SUPT5H: variants seen among roughly 807,000 people sequenced by gnomAD.
The protein encoded by SUPT5H is SPT5 homolog, DSIF elongation factor subunit.
Under a neutral mutation model 142.5 loss-of-function variants are expected in SUPT5H, and 24 were observed. The ratio of observed to expected loss-of-function variants is 0.17; its 90% CI spans 0.12 to 0.24. SUPT5H has a LOEUF of 0.24. SUPT5H is among the 10% of genes least tolerant of loss of function. The pLI, the probability that SUPT5H is intolerant of heterozygous loss-of-function variation, is 1.00. For synonymous variants in SUPT5H, 546 were observed against 553.0 expected (o/e 0.99, Z 0.18); for missense variants, 893 against 1,471.8 (o/e 0.61, Z 6.43).
rs753142616 is a variant in SUPT5H, at chr19:39,476,406, C to A, written c.*7C>A. 1 of 1,613,982 alleles carries A rather than the reference C, an allele frequency of 6.2e-7. No homozygotes were observed. The highest frequency in any genetic ancestry group is 2.2e-5 in the East Asian group (1 of 44,888). On this transcript the variant is annotated 3_prime_UTR_variant, in exon 30 of 30. Transcript: ENST00000432763. ...GAAGCTCCTGGAAGCCTGAAGCAGG[C>A]AGGGCCGGTGGACTTCGTCGGATGA... is the stretch of plus-strand genomic sequence containing the variant.
At chr19:39,462,817 C>A (rs2079180323) in intron 10 of SUPT5H, among the ~76,000 whole-genome samples, 1 of 150,546 alleles carries the variant, frequency 6.6e-6, no homozygotes, top group Non-Finnish European at 1.5e-5. Flanking sequence ...AGGCGTGAGC[C>A]ACTGTGCCCA....
rs753479788 is a variant in SUPT5H, at chr19:39,469,232, C to T, written c.1238-30C>T. On this transcript the variant is annotated intron_variant, in intron 15 of 29. Transcript: ENST00000432763. This position sits in a 1 kb window ranked among gnomAD's most constrained non-coding sequence, Gnocchi z 5.1. ...GCAGGGGCGGCCCATGGTGGCAACC[C>T]CCGAGTCAGCCCTACGACTGCCCCT... 6.2e-6 allele frequency: 10 copies of T among 1,614,118 alleles called. No individual in the cohort carries two copies. In the African/African-American group the frequency reaches 1.3e-4, roughly 22 times the overall value.
chr19:39,452,241 T>C (rs1461262838), intron 2 of SUPT5H, among the ~76,000 whole-genome samples: 2 of 152,106 alleles, frequency 1.3e-5, no homozygotes, highest in African/African-American at 4.8e-5. Context: ...GCATCCAGGA[T>C]GCTGCTGGTG....
Position 39,459,124 on chromosome 19 carries a change from C to T in SUPT5H, c.458+51C>T, listed in dbSNP as rs1529733. On this transcript the variant is annotated intron_variant, in intron 7 of 29. Coordinates refer to ENST00000432763, the MANE Select transcript of SUPT5H (RefSeq NM_001111020.3). The stretch of plus-strand genomic sequence containing the variant: ...GGGCAGGGAGCAGGTGGTCCCTAAG[C>T]GGGAAGGGGCGGGGATCTGACAGAG... 0.38 allele frequency: 607,122 copies of T among 1,610,170 alleles called. 118,583 individuals carry two copies. Among genetic ancestry groups the T allele is most frequent in the African/African-American group, 0.59 (44,226 of 74,656 alleles).
intron 3 of SUPT5H, among the ~76,000 whole-genome samples, chr19:39,456,055 T>A (rs555754062): frequency 2.0e-5 from 3 of 147,524 alleles, no homozygotes; most frequent in Non-Finnish European, 4.5e-5. Context: ...GCTTCCCGAG[T>A]AGCTGGGATT....
chr19:39,465,194 C>T, intron 11 of SUPT5H, 145 bp downstream of exon 11: 1 of 1,256,502 alleles, frequency 8.0e-7, no homozygotes, highest in Non-Finnish European at 1.1e-6. Context: ...TTTGTGAGCA[C>T]ACAGGAAACG....
Position 39,473,420 on chromosome 19 carries a change from C to T in SUPT5H, c.2391C>T (p.Ser797=), listed in dbSNP as rs1348092309. ...CACTCATTTCCCCCATTCCAGGTAG[C>T]CGCACCCCACACTACGGCTCACAGA... ...YGSQTPLQDG[S]RTPHYGSQTP... Residue 797 remains serine, a synonymous_variant, in exon 25 of 30, where the codon AGC becomes AGT. Transcript: ENST00000432763. The surrounding 1 kb of genome is among the most constrained non-coding windows in gnomAD (Gnocchi z 5.8). 6.2e-7 allele frequency: 1 copy of T among 1,613,280 alleles called. No individual in the cohort carries two copies. The highest frequency in any genetic ancestry group is 8.5e-7 in the Non-Finnish European group (1 of 1,179,800).
intron 28 of SUPT5H, among the ~76,000 whole-genome samples, chr19:39,475,413 G>T (rs944685885): frequency 2.7e-5 from 4 of 149,104 alleles, no homozygotes; most frequent in Admixed American, 2.0e-4. Flanking sequence ...AAAATGGTGA[G>T]TGATGAGGCC....
intron 10 of SUPT5H, chr19:39,460,168 G>T (rs1487519731): frequency 3.5e-6 from 2 of 578,616 alleles, no homozygotes; most frequent in Non-Finnish European, 6.2e-6. Context: ...TGCATTTATG[G>T]CAGGGTCTTC....
Position 39,459,065 on chromosome 19 carries a change from G to A in SUPT5H, c.450G>A (p.Val150=). Residue 150 remains valine, a synonymous_variant, in exon 7 of 30, where the codon GTG becomes GTA. Coordinates refer to ENST00000432763, the MANE Select transcript of SUPT5H (RefSeq NM_001111020.3). The part of the protein sequence containing the change: ...YYMKKYAKSS[V]GETVYGGSDE... The stretch of plus-strand genomic sequence containing the variant: ...TGAAGAAATACGCCAAGTCATCTGT[G>A]GGAGAGACGTAAGGGCATGGTGGGG... The A allele has an allele frequency of 6.2e-7, 1 of 1,614,086 alleles. No individual in the cohort carries two copies. Among genetic ancestry groups the A allele is most frequent in the Non-Finnish European group, 8.5e-7 (1 of 1,180,024 alleles).
Position 39,476,498 on chromosome 19 carries a change from A to G in SUPT5H, c.*99A>G. The G allele has an allele frequency of 1.4e-6, 2 of 1,435,388 alleles. No individual in the cohort carries two copies. Among genetic ancestry groups the G allele is most frequent in the Non-Finnish European group, 1.9e-6 (2 of 1,054,576 alleles). The allele number at this position is 1,435,388 out of a possible 1,614,324, so 88.9% of individuals were successfully genotyped here. On this transcript the variant is annotated 3_prime_UTR_variant, in exon 30 of 30. Transcript: ENST00000432763. ...AAGATCCTCCTGCAGGGCTAGGCGGATTGTTCTGGATTTCCTTTTGTTTTT... is the reference window on the plus strand; with the variant it reads ...AAGATCCTCCTGCAGGGCTAGGCGGGTTGTTCTGGATTTCCTTTTGTTTTT...
intron 13 of SUPT5H, chr19:39,467,055 A>C: frequency 9.4e-6 from 2 of 212,472 alleles, no homozygotes; most frequent in East Asian, 1.1e-4. Flanking sequence ...AATAATAATA[A>C]TAATAAAAAG....
rs369087270 is a variant in SUPT5H, at chr19:39,458,901, G to A, written c.389+14G>A. Reference sequence around the variant, plus strand: ...AAACCTCTGGAGGTGGGCAAGGAAGGGAAACGTGGTGGGATTGGCTCCTGT... The same window carrying A: ...AAACCTCTGGAGGTGGGCAAGGAAGAGAAACGTGGTGGGATTGGCTCCTGT... On this transcript the variant is annotated intron_variant, in intron 6 of 29. Coordinates refer to ENST00000432763, the MANE Select transcript of SUPT5H (RefSeq NM_001111020.3). This position sits in a 1 kb window ranked among gnomAD's most constrained non-coding sequence, Gnocchi z 4.2. The A allele has an allele frequency of 1.2e-6, 2 of 1,613,658 alleles. No individual in the cohort carries two copies. The highest frequency in any genetic ancestry group is 2.7e-5 in the African/African-American group (2 of 74,896).
In SUPT5H at chr19:39,453,538, G is replaced by A. The variant is rs1202886872; in HGVS notation, c.241+17G>A. The stretch of plus-strand genomic sequence containing the variant: ...ACGAGGCTGGTATGTCATAGTGCTT[G>A]GCCAGTGCCGAGCAGAGGCTGAGCT... On this transcript the variant is annotated intron_variant, in intron 3 of 29. Coordinates refer to ENST00000432763, the MANE Select transcript of SUPT5H (RefSeq NM_001111020.3). 4 of 1,507,956 alleles carry A rather than the reference G, an allele frequency of 2.7e-6. No homozygotes were observed. The highest frequency in any genetic ancestry group is 2.8e-5 in the African/African-American group (2 of 71,078). 93.4% of individuals were successfully genotyped at this position (1,507,956 alleles called of 1,614,324 possible). A position where few individuals can be genotyped will look rare whatever the true frequency, so the allele number is the denominator to read the frequency against.
intron 7 of SUPT5H, 25 bp downstream of exon 7, chr19:39,459,098 G>T (rs761025077): frequency 6.2e-6 from 10 of 1,613,846 alleles, no homozygotes; most frequent in Non-Finnish European, 8.5e-6. Flanking sequence ...GGGGCAGGTG[G>T]GGGCAGGGAG....
In SUPT5H at chr19:39,472,807, C is replaced by T; in HGVS notation, c.2036-3C>T. On this transcript the variant is annotated splice_polypyrimidine_tract_variant and splice_region_variant and intron_variant, in intron 21 of 29. Coordinates refer to ENST00000432763, the MANE Select transcript of SUPT5H (RefSeq NM_001111020.3). The surrounding 1 kb of genome is among the most constrained non-coding windows in gnomAD (Gnocchi z 4.2). The stretch of plus-strand genomic sequence containing the variant: ...GACCAGTGACATTCTCCCCAATCCC[C>T]AGGTCAGCGTGGCGGCTTTGGTAGC... The T allele has an allele frequency of 6.2e-7, 1 of 1,611,276 alleles. No homozygotes were observed.
intron 3 of SUPT5H, among the ~76,000 whole-genome samples, chr19:39,454,402 C>CA (rs1385581545): frequency 7.1e-6 from 1 of 141,524 alleles, no homozygotes; most frequent in Non-Finnish European, 1.5e-5. Context: ...GGCTGGAGTG[C>CA]AGTGGTGCGA....
rs781709999 is a variant in SUPT5H at position 39,453,415 on chromosome 19, AGAGGAG to A, written c.141_146del (p.Glu52_Glu53del). The A allele has an allele frequency of 3.8e-6, 6 of 1,592,280 alleles. No individual in the cohort carries two copies. The East Asian group carries it at 1.4e-4, about 36-fold the overall frequency. On this transcript the variant is annotated inframe_deletion, in exon 3 of 30. Coordinates refer to ENST00000432763, the MANE Select transcript of SUPT5H (RefSeq NM_001111020.3). ...AGAAAGAAGAAGAGCCTGAGGACGA[AGAGGAG>A]GAGGAAGAGGAGGAGGAATACGATG...
intron 3 of SUPT5H, among the ~76,000 whole-genome samples, chr19:39,454,656 A>C (rs1008072559): frequency 6.6e-6 from 1 of 152,168 alleles, no homozygotes; most frequent in African/African-American, 2.4e-5. Context: ...TTTTTAAAAA[A>C]AGATTTTTTA....
Sources: allele counts gnomAD v4.1 joint callset (sites outside exome capture counted in the v4.1 genomes callset), GRCh38; gene constraint gnomAD v4.1.1; non-coding constraint Gnocchi (gnomAD v3.1); transcripts MANE v1.5; gene names NCBI Gene and HGNC (gene_info 2026-07-23, HGNC 2026-07-21).